SPTAN1: variants seen among roughly 807,000 people sequenced by gnomAD.
SPTAN1 encodes the protein spectrin alpha, non-erythrocytic 1.
In SPTAN1, 61 loss-of-function variants were observed where a neutral mutation model predicts 331.3. The ratio of observed to expected loss-of-function variants is 0.18; its 90% CI spans 0.15 to 0.23. The LOEUF is 0.23. SPTAN1 is among the 10% of genes least tolerant of loss of function. SPTAN1 has a pLI of 1.00. For missense variants in SPTAN1, 2,043 were observed against 3,147.9 expected, an observed-to-expected ratio of 0.65 and a Z score of 8.40; for synonymous variants, 1,153 against 1,173.9, an observed-to-expected ratio of 0.98 and a Z score of 0.36.
intron 23 of SPTAN1, 104 bp downstream of exon 23, chr9:128,593,146 G>A (rs1294171335): frequency 1.6e-6 from 2 of 1,272,966 alleles, no homozygotes; most frequent in African/African-American, 1.5e-5. Context: ...AGAAAGATGA[G>A]GTGGTGGGAG....
At chr9:128,599,937 T>A (rs1043788197) in intron 26 of SPTAN1, 143 bp from the exon 27 acceptor site, 13 of 852,634 alleles carry the variant, frequency 1.5e-5, no homozygotes, top group African/African-American at 1.2e-4. Context: ...CCAGCCAAAC[T>A]ATGGAGGGAA....
chr9:128,619,537 T>G (rs756590509), intron 44 of SPTAN1, among the ~76,000 whole-genome samples: 21 of 152,196 alleles, frequency 1.4e-4, no homozygotes, highest in Non-Finnish European at 3.1e-4. Context: ...CTGCCTGTCT[T>G]CACGTAGCCA....
intron 36 of SPTAN1, 177 bp downstream of exon 36, chr9:128,609,461 T>C: frequency 9.2e-7 from 1 of 1,092,258 alleles, no homozygotes; most frequent in East Asian, 2.6e-5. Context: ...ATTTAAAAGT[T>C]GCCTTCCTCA....
At chr9:128,632,365 G>T in intron 53 of SPTAN1, 42 bp downstream of exon 53, 1 of 1,613,592 alleles carries the variant, frequency 6.2e-7, no homozygotes, top group Non-Finnish European at 8.5e-7. Flanking sequence ...CCAGAGCAGG[G>T]GGAGGAAAAG....
intron 40 of SPTAN1, among the ~76,000 whole-genome samples, chr9:128,615,059 T>C (rs1458893468): frequency 6.6e-6 from 1 of 152,252 alleles, no homozygotes; most frequent in Non-Finnish European, 1.5e-5. Flanking sequence ...TTCAGGCTCC[T>C]GGTGGTGGGT....
intron 13 of SPTAN1, 50 bp from the exon 14 acceptor site, chr9:128,582,643 AT>A (rs764106606): frequency 1.4e-5 from 23 of 1,611,120 alleles, no homozygotes; most frequent in Non-Finnish European, 1.9e-5. Flanking sequence ...TCAACTGGAT[AT>A]CCCTTTGGGA....
chr9:128,598,599 AAC>A (rs1303282338), intron 25 of SPTAN1, 95 bp downstream of exon 25: 2 of 1,078,742 alleles, frequency 1.9e-6, no homozygotes, highest in East Asian at 5.1e-5. Flanking sequence ...AGTGTTTCAT[AAC>A]ACAGAACTGT....
intron 34 of SPTAN1, 54 bp downstream of exon 34, chr9:128,608,330 G>A: frequency 6.2e-7 from 1 of 1,610,580 alleles, no homozygotes; most frequent in South Asian, 1.1e-5. Flanking sequence ...ATTGACATCT[G>A]TTTCTTGGCT....
intron 1 of SPTAN1, among the ~76,000 whole-genome samples, chr9:128,561,524 G>A (rs549534037): frequency 6.9e-4 from 105 of 151,100 alleles, no homozygotes; most frequent in African/African-American, 2.5e-3. Context: ...TTAGCCGGGC[G>A]AGGTGGTGGA....
Position 128,617,944 on chromosome 9 carries a change from A to G in SPTAN1, c.5479-43A>G. The G allele has an allele frequency of 4.3e-6, 7 of 1,614,122 alleles. No individual in the cohort carries two copies. The South Asian group carries it at 5.5e-5, about 13-fold the overall frequency. ...CTGGGAGCTTCGAGACAGAAGCACCAGAAGAGCTACCTGCTGTTAACCTCC... is the reference window on the plus strand; with the variant it reads ...CTGGGAGCTTCGAGACAGAAGCACCGGAAGAGCTACCTGCTGTTAACCTCC... On this transcript the variant is annotated intron_variant, in intron 42 of 56. Transcript: ENST00000372739.
chr9:128,629,723 A>C lies in SPTAN1; in HGVS notation c.6708-598A>C, dbSNP rs1404473440. On this transcript the variant is annotated intron_variant, in intron 51 of 56. Coordinates refer to ENST00000372739, the MANE Select transcript of SPTAN1 (RefSeq NM_001130438.3). This position sits in a 1 kb window ranked among gnomAD's most constrained non-coding sequence, Gnocchi z 4.9. ...AGGCTCCCTCCCTGGCTGTGTCTAG[A>C]GGATGGAACCGGGATCTGGGGTTTA... is the stretch of plus-strand genomic sequence containing the variant. 5.1e-6 allele frequency: 1 copy of C among 197,068 alleles called. No individual in the cohort carries two copies. Among genetic ancestry groups the C allele is most frequent in the East Asian group, 1.2e-4 (1 of 8,224 alleles). 12.2% of individuals were successfully genotyped at this position (197,068 alleles called of 1,614,324 possible).
At chr9:128,579,290 G>A (rs1851668621) in intron 9 of SPTAN1, among the ~76,000 whole-genome samples, 2 of 152,134 alleles carry the variant, frequency 1.3e-5, no homozygotes, top group African/African-American at 4.8e-5. Flanking sequence ...GCCAGGGAGG[G>A]ACTCGCCCTA....
chr9:128,560,511 G>A (rs1411440301), intron 1 of SPTAN1, among the ~76,000 whole-genome samples: 1 of 151,892 alleles, frequency 6.6e-6, no homozygotes, highest in Non-Finnish European at 1.5e-5. Context: ...CTCCTGAGTA[G>A]ATGGGACTAC....
chr9:128,628,860 C>T, intron 51 of SPTAN1: 1 of 344,024 alleles, frequency 2.9e-6, no homozygotes, highest in Admixed American at 4.8e-5. Context: ...CTGCCCCATG[C>T]CTGTGTCTGC....
chr9:128,554,872 A>G (rs1244267913), intron 1 of SPTAN1, among the ~76,000 whole-genome samples: 8 of 152,182 alleles, frequency 5.3e-5, no homozygotes, highest in Admixed American at 6.5e-5. Context: ...AGGAAATAGT[A>G]TTTTGTAAAG....
intron 10 of SPTAN1, 45 bp downstream of exon 10, chr9:128,579,783 T>C (rs756081844): frequency 3.4e-5 from 49 of 1,430,194 alleles, no homozygotes; most frequent in Non-Finnish European, 4.4e-5. Flanking sequence ...ATTACACCTT[T>C]CACTAAGTCT....
At chr9:128,569,327 C>T (rs1307521757) in intron 3 of SPTAN1, among the ~76,000 whole-genome samples, 2 of 152,014 alleles carry the variant, frequency 1.3e-5, no homozygotes, top group African/African-American at 2.4e-5. Flanking sequence ...GAGGGGTTTA[C>T]GTCTAGGCAG....
chr9:128,626,282 G>A, intron 48 of SPTAN1, 109 bp from the exon 49 acceptor site: 1 of 1,346,604 alleles, frequency 7.4e-7, no homozygotes, highest in East Asian at 2.3e-5. Context: ...GCTCCCAGCA[G>A]GCTGTGTGCG....
chr9:128,596,718 G>A (rs148461252), intron 24 of SPTAN1: 1 of 152,070 alleles, frequency 6.6e-6, no homozygotes, highest in Non-Finnish European at 1.5e-5. Flanking sequence ...TAGAGATAGG[G>A]TCTCACTCTC....
Sources: allele counts gnomAD v4.1 joint callset (sites outside exome capture counted in the v4.1 genomes callset), GRCh38; gene constraint gnomAD v4.1.1; non-coding constraint Gnocchi (gnomAD v3.1); transcripts MANE v1.5; gene names NCBI Gene and HGNC (gene_info 2026-07-23, HGNC 2026-07-21).